Variants in TRMO observed in about 807,000 individuals in gnomAD.
The protein encoded by TRMO is tRNA (adenine(37)-N6)-methyltransferase.
TRMO carries 30 observed loss-of-function variants against 37.2 expected under a neutral mutation model. The ratio of observed to expected loss-of-function variants is 0.81; its 90% confidence interval spans 0.60 to 1.09. The LOEUF is 1.09. Among genes scored for constraint, TRMO ranks in the 50% least tolerant of loss-of-function variants. The probability of loss-of-function intolerance (pLI) is 0.00; values close to 1 mark genes in which losing one functional copy is unlikely to be tolerated. For missense variants in TRMO, 552 were observed against 549.5 expected (o/e 1.00, Z -0.05); for synonymous variants, 239 against 199.4 (o/e 1.20, Z -1.67).
chr9:97,912,818 C>T (rs148223840), intron 3 of TRMO: 5 of 740,160 alleles, frequency 6.8e-6, no homozygotes, highest in African/African-American at 5.4e-5. Flanking sequence ...TCCATAAATG[C>T]GTAACTAGGT....
intron 1 of TRMO, 49 bp downstream of exon 1, chr9:97,922,369 C>T: frequency 7.6e-7 from 1 of 1,313,776 alleles, no homozygotes; most frequent in South Asian, 1.3e-5. Context: ...AGTCCGCTGC[C>T]TGGGCCTAAA....
In TRMO at chr9:97,908,516, A is replaced by C. The variant is rs1033568832; in HGVS notation, c.1066+1444T>G. 6.6e-5 allele frequency among the ~76,000 whole-genome samples: 10 copies of C among 151,956 alleles called. 1 individual carries two copies. Among genetic ancestry groups the C allele is most frequent in the Admixed American group, 6.6e-4 (10 of 15,254 alleles). ...AGGTGGGAGGACTGCTTGAGCCCGGAAGGCTGAGGCTGCAGTAAGCCATGT... is the reference window on the plus strand; with the variant it reads ...AGGTGGGAGGACTGCTTGAGCCCGGCAGGCTGAGGCTGCAGTAAGCCATGT... On this transcript the variant is annotated intron_variant, in intron 4 of 4. Transcript: ENST00000375119.
intron 3 of TRMO, chr9:97,910,993 T>C: frequency 6.3e-6 from 3 of 476,088 alleles, no homozygotes; most frequent in South Asian, 1.5e-5. Context: ...GGCAGGCCCC[T>C]TAACACAGGC....
chr9:97,904,056 T>C (rs1480013509), downstream of TRMO, among the ~76,000 whole-genome samples: 1 of 152,220 alleles, frequency 6.6e-6, no homozygotes, highest in Non-Finnish European at 1.5e-5. Flanking sequence ...CACTCCAGCC[T>C]GGGCGAAAGA....
chr9:97,919,679 T>C (rs1826536820), intron 1 of TRMO, among the ~76,000 whole-genome samples: 1 of 152,244 alleles, frequency 6.6e-6, no homozygotes, highest in African/African-American at 2.4e-5. Flanking sequence ...GGAATTTATA[T>C]TATAGCTGAT....
chr9:97,912,874 T>C (rs150323275), intron 3 of TRMO: 3 of 1,285,404 alleles, frequency 2.3e-6, no homozygotes, highest in East Asian at 5.6e-5. Flanking sequence ...TTCTACAACC[T>C]GACCAATGTT....
At chr9:97,918,667 C>G (rs780036214) in intron 1 of TRMO, among the ~76,000 whole-genome samples, 7 of 152,152 alleles carry the variant, frequency 4.6e-5, no homozygotes, top group African/African-American at 7.2e-5. Flanking sequence ...TCTTTCATTA[C>G]TCTTCACTTC....
chr9:97,918,506 T>C (rs1424292569), intron 1 of TRMO, among the ~76,000 whole-genome samples: 1 of 152,160 alleles, frequency 6.6e-6, no homozygotes, highest in Non-Finnish European at 1.5e-5. Context: ...AATTTATTGA[T>C]AACTTTTTTA....
chr9:97,908,368 A>C (rs905397648), intron 4 of TRMO, among the ~76,000 whole-genome samples: 30 of 147,824 alleles, frequency 2.0e-4, no homozygotes, highest in African/African-American at 3.3e-4. Flanking sequence ...GCCGAGATCG[A>C]GCCATTGCAC....
At position 97,904,986 on chromosome 9, in the gene TRMO, C is replaced by G; in HGVS notation, c.1073G>C (p.Gly358Ala). Reference protein sequence around the residue: ...DLGQLSSQDVGQASFKYFQSA... With the variant: ...DLGQLSSQDVAQASFKYFQSA... ...CTGAAAATATTTAAATGACGCCTGA[C>G]CAACATCTGCAATGAAAAAAACACA... Residue 358 changes from glycine to alanine, a missense_variant, in exon 5 of 5, where the codon GGT (glycine) becomes GCT (alanine). Gly to Ala is a moderately conservative substitution (Grantham distance 60, BLOSUM62 0). Coordinates refer to ENST00000375119, the MANE Select transcript of TRMO (RefSeq NM_016481.5). 1 of 1,612,080 alleles carries G rather than the reference C, an allele frequency of 6.2e-7. No homozygotes were observed.
chr9:97,919,431 AGGAAAG>A, intron 1 of TRMO, among the ~76,000 whole-genome samples: 1 of 143,736 alleles, frequency 7.0e-6, no homozygotes, highest in African/African-American at 2.5e-5. Flanking sequence ...AAGGAAAGGG[AGGAAAG>A]GGAAAGAAAG....
Position 97,904,579 on chromosome 9 carries a change from A to C in TRMO, c.*154T>G, listed in dbSNP as rs1206708444. 5 of 1,482,494 alleles carry C rather than the reference A, an allele frequency of 3.4e-6. No homozygotes were observed. The highest frequency in any genetic ancestry group is 2.3e-5 in the East Asian group (1 of 43,634). 91.8% of individuals were successfully genotyped at this position (1,482,494 alleles called of 1,614,324 possible). A position where few individuals can be genotyped will look rare whatever the true frequency, so the allele number is the denominator to read the frequency against. On this transcript the variant is annotated 3_prime_UTR_variant, in exon 5 of 5. Transcript: ENST00000375119. ...CTCTTTGTTAAGTTTATTAATGTAT[A>C]CGTTTTTCAAATAAACATTTTGAAC...
intron 4 of TRMO, 37 bp from the exon 5 acceptor site, chr9:97,905,029 A>G: frequency 6.3e-7 from 1 of 1,596,178 alleles, no homozygotes; most frequent in Non-Finnish European, 8.6e-7. Context: ...GAGCACTATC[A>G]TGCAGGTTGA....
chr9:97,910,691 A>C, intron 3 of TRMO, 75 bp from the exon 4 acceptor site: 1 of 1,526,342 alleles, frequency 6.6e-7, no homozygotes, highest in Non-Finnish European at 8.8e-7. Flanking sequence ...AGAATCCTCT[A>C]ACACTGTCTG....
chr9:97,920,083 G>C (rs1456992254), intron 1 of TRMO, among the ~76,000 whole-genome samples: 3 of 152,158 alleles, frequency 2.0e-5, no homozygotes, highest in African/African-American at 4.8e-5. Flanking sequence ...GGGAATTCTG[G>C]TCTTCTTCTT....
In TRMO at chr9:97,916,278, G is replaced by A. The variant is rs901174812; in HGVS notation, c.137C>T (p.Thr46Ile). 12 of 1,613,468 alleles carry A rather than the reference G, an allele frequency of 7.4e-6. No homozygotes were observed. Among genetic ancestry groups the A allele is most frequent in the African/African-American group, 1.3e-5 (1 of 74,910 alleles). ...GCTACAAATGGATGGCTGTCTTGGA[G>A]TACCATTCTTGGCCGAGAAACAAGA... Reference protein sequence around the residue: ...LESCFSAKNGTPRQPSICSYS... With the variant: ...LESCFSAKNGIPRQPSICSYS... The change falls in exon 2 of 5, where the codon ACT becomes ATT. Residue 46 changes from threonine (T) to isoleucine (I), a missense_variant. By Grantham distance (89) the Thr-to-Ile change is moderately conservative. Transcript: ENST00000375119.
At chr9:97,918,039 C>T (rs1826453588) in intron 1 of TRMO, among the ~76,000 whole-genome samples, 1 of 151,494 alleles carries the variant, frequency 6.6e-6, no homozygotes, top group African/African-American at 2.4e-5. Flanking sequence ...TTTTAATTAC[C>T]TTTAAATTTA....
At chr9:97,921,398 TTAA>T (rs1378806814) in intron 1 of TRMO, among the ~76,000 whole-genome samples, 2 of 152,022 alleles carry the variant, frequency 1.3e-5, no homozygotes, top group African/African-American at 2.4e-5. Flanking sequence ...TCTACAAAAA[TTAA>T]TAATAACAAA....
intron 3 of TRMO, chr9:97,911,256 G>A (rs557327480): frequency 1.7e-4 from 29 of 171,584 alleles, no homozygotes; most frequent in Non-Finnish European, 3.2e-4. Flanking sequence ...TAGCACTGCT[G>A]CTGGCTGGAA....
Sources: gnomAD v4.1 joint callset for allele counts (sites outside exome capture counted in the v4.1 genomes callset) on GRCh38, gnomAD v4.1.1 for gene constraint, MANE v1.5 for transcripts, NCBI Gene and HGNC (gene_info 2026-07-23, HGNC 2026-07-21) for gene names.